Variants in MGST1 observed in about 807,000 individuals in gnomAD.
The protein encoded by MGST1 is glutathione S-transferase 12.
In MGST1, 5 loss-of-function variants were observed where a neutral mutation model predicts 8.9. That is an observed-to-expected ratio of 0.56 (90% confidence interval 0.29 to 1.19). The LOEUF (loss-of-function observed/expected upper bound fraction) is 1.19. Ranked by LOEUF, MGST1 falls within the 50% of genes most tolerant of loss-of-function variation. The probability of loss-of-function intolerance (pLI) is 0.08; values close to 1 mark genes in which losing one functional copy is unlikely to be tolerated. For synonymous variants in MGST1, 54 were observed against 67.8 expected (o/e 0.80, Z 1.00); for missense variants, 182 against 187.4 (o/e 0.97, Z 0.17).
rs1265528750 is a variant in MGST1, at chr12:16,546,791, T to A, written n.483-42737T>A. ...TTTTATGTCAGGTTTGGTATTTTTT[T>A]AAATCCCTTCCCCTACTGCTGTCAT... On this transcript the variant is annotated intron_variant and non_coding_transcript_variant, in intron 4 of 4. Transcript: ENST00000538857. The surrounding 1 kb of genome is among the most constrained non-coding windows in gnomAD (Gnocchi z 4.7). Among the ~76,000 whole-genome samples the A allele has an allele frequency of 6.6e-6, 1 of 152,026 alleles. No homozygotes were observed. The highest frequency in any genetic ancestry group is 1.5e-5 in the Non-Finnish European group (1 of 67,976).
At chr12:16,379,395 A>G (rs1038338702), downstream of MGST1, among the ~76,000 whole-genome samples, 4 of 152,198 alleles carry the variant, frequency 2.6e-5, no homozygotes, top group Non-Finnish European at 5.9e-5. Flanking sequence ...TTCTACATCT[A>G]TTGAGAAAAT....
intron 4 of MGST1, among the ~76,000 whole-genome samples, chr12:16,509,131 A>G (rs769705855): frequency 1.9e-4 from 29 of 152,146 alleles, no homozygotes; most frequent in Non-Finnish European, 3.7e-4. Context: ...TTTTCACAGG[A>G]AATGTTGATT....
chr12:16,400,493 C>G (rs1940645213), intron 1 of MGST1: 2 of 805,834 alleles, frequency 2.5e-6, no homozygotes, highest in Non-Finnish European at 4.5e-6. Context: ...TCTTGTTTTA[C>G]AATGCCCTCC....
intron 1 of MGST1, among the ~76,000 whole-genome samples, chr12:16,395,685 C>T (rs1010339800): frequency 2.0e-5 from 3 of 151,006 alleles, no homozygotes; most frequent in African/African-American, 7.3e-5. Flanking sequence ...TTTTCCATTC[C>T]CGAGTTACTT....
At chr12:16,525,861 T>C (rs1248288732) in intron 4 of MGST1, among the ~76,000 whole-genome samples, 5 of 151,010 alleles carry the variant, frequency 3.3e-5, no homozygotes, top group Non-Finnish European at 6.0e-5. Flanking sequence ...TGGTATCTCA[T>C]TGTGGTTTTG....
chr12:16,366,005 G>A (rs577362353), downstream of MGST1, among the ~76,000 whole-genome samples: 17 of 152,226 alleles, frequency 1.1e-4, no homozygotes, highest in Admixed American at 8.5e-4. The surrounding 1 kb of genome is among the most constrained non-coding windows in gnomAD (Gnocchi z 4.0). Context: ...CCATTATCAC[G>A]TCTTTCATCG....
chr12:16,496,178 G>A (rs1484391301), intron 4 of MGST1, among the ~76,000 whole-genome samples: 1 of 152,034 alleles, frequency 6.6e-6, no homozygotes, highest in Non-Finnish European at 1.5e-5. Flanking sequence ...TCAGAGAGGT[G>A]TGTAAGGGGA....
intron 1 of MGST1, among the ~76,000 whole-genome samples, chr12:16,428,722 G>A (rs985329864): frequency 9.2e-5 from 14 of 151,662 alleles, no homozygotes; most frequent in African/African-American, 2.2e-4. Flanking sequence ...AATGTTTTTC[G>A]GATTTTATGT....
At chr12:16,375,404 C>T (rs1235940404) in intron 3 of MGST1, among the ~76,000 whole-genome samples, 1 of 151,884 alleles carries the variant, frequency 6.6e-6, no homozygotes, top group Non-Finnish European at 1.5e-5. Context: ...TAAAAAGAAA[C>T]AAAGAAACCT....
chr12:16,441,929 C>A (rs1941042788), downstream of MGST1, among the ~76,000 whole-genome samples: 1 of 151,762 alleles, frequency 6.6e-6, no homozygotes, highest in Admixed American at 6.6e-5. Context: ...GTGGCTGTAC[C>A]ATTTTGCATC....
chr12:16,467,943 T>C (rs1456984423), intron 4 of MGST1, among the ~76,000 whole-genome samples: 1 of 152,184 alleles, frequency 6.6e-6, no homozygotes, highest in Non-Finnish European at 1.5e-5. Context: ...ATGAGAATGG[T>C]CTTTTAAAAG....
intron 1 of MGST1, among the ~76,000 whole-genome samples, chr12:16,393,985 A>G (rs1485077654): frequency 1.3e-5 from 2 of 152,254 alleles, no homozygotes; most frequent in Non-Finnish European, 2.9e-5. Context: ...ACGAACATTC[A>G]GGTACATGTG....
rs964440296 is a variant in MGST1, at chr12:16,401,348, T to C, written n.778+17744T>C. 7.8e-7 allele frequency: 1 copy of C among 1,289,344 alleles called. No homozygotes were observed. The highest frequency in any genetic ancestry group is 1.2e-5 in the South Asian group (1 of 84,542). 79.9% of individuals were successfully genotyped at this position (1,289,344 alleles called of 1,614,324 possible). Reference sequence around the variant, plus strand: ...TTTTTACTATTGATTACTAGGAAGCTTTCATGGAATTCAATTCCCACCCCA... The same window carrying C: ...TTTTTACTATTGATTACTAGGAAGCCTTCATGGAATTCAATTCCCACCCCA... On this transcript the variant is annotated intron_variant and non_coding_transcript_variant, in intron 1 of 1. Coordinates refer to the MGST1 transcript ENST00000359720. The surrounding 1 kb of genome is among the most constrained non-coding windows in gnomAD (Gnocchi z 4.3).
chr12:16,543,624 AT>A (rs1941804660), intron 4 of MGST1, among the ~76,000 whole-genome samples: 2 of 151,952 alleles, frequency 1.3e-5, no homozygotes, highest in Non-Finnish European at 2.9e-5. Context: ...AGATTGTTTC[AT>A]TTAATCTGCA....
chr12:16,381,963 C>T (rs1054483677), downstream of MGST1, among the ~76,000 whole-genome samples: 1 of 152,190 alleles, frequency 6.6e-6, no homozygotes, highest in Non-Finnish European at 1.5e-5. Context: ...TCACATAGCT[C>T]TCGTGCCTTG....
downstream of MGST1, among the ~76,000 whole-genome samples, chr12:16,381,871 C>T (rs1940456495): frequency 6.6e-6 from 1 of 152,122 alleles, no homozygotes; most frequent in South Asian, 2.1e-4. Context: ...TCTCTTCTCG[C>T]TTCGTTTCAT....
intron 1 of MGST1, among the ~76,000 whole-genome samples, chr12:16,421,042 C>T (rs1056373930): frequency 1.3e-5 from 2 of 152,062 alleles, no homozygotes; most frequent in African/African-American, 2.4e-5. Context: ...CTCCTATCCT[C>T]TGCTACACAT....
intron 4 of MGST1, among the ~76,000 whole-genome samples, chr12:16,464,483 C>A (rs1941241342): frequency 6.6e-6 from 1 of 152,130 alleles, no homozygotes; most frequent in Admixed American, 6.5e-5. Context: ...GCCTGTAATA[C>A]ATAATTAGCC....
At chr12:16,399,934 G>C (rs1343618023) in intron 1 of MGST1, 3 of 1,297,382 alleles carry the variant, frequency 2.3e-6, no homozygotes, top group East Asian at 2.3e-5. Context: ...CACCACAAAA[G>C]GTGGCCATTC....
Sources: allele counts gnomAD v4.1 joint callset (sites outside exome capture counted in the v4.1 genomes callset), GRCh38; gene constraint gnomAD v4.1.1; non-coding constraint Gnocchi (gnomAD v3.1); transcripts MANE v1.5; gene names NCBI Gene and HGNC (gene_info 2026-07-23, HGNC 2026-07-21).